Variants in PCDH15 observed in about 807,000 individuals in gnomAD.
The protein encoded by PCDH15 is protocadherin related 15, also known as protocadherin-15.
A neutral mutation model predicts 178.5 loss-of-function variants in PCDH15; 129 were observed. The observed-to-expected ratio is 0.72, with a 90% CI of 0.63 to 0.84. The LOEUF is 0.84. PCDH15 is among the 40% of genes least tolerant of loss of function. The probability of loss-of-function intolerance (pLI) is 0.00; values close to 1 mark genes in which losing one functional copy is unlikely to be tolerated. For missense variants in PCDH15, 2,230 were observed against 2,099.9 expected (o/e 1.06, Z -1.21); for synonymous variants, 800 against 732.0 (o/e 1.09, Z -1.50).
rs1290245009 is a variant in PCDH15, at chr10:54,899,249, T to A, written c.-79-1749A>T. On this transcript the variant is annotated intron_variant, in intron 2 of 5. Coordinates refer to the PCDH15 transcript ENST00000458638. ...GCAAATAACTGATGCTGAAATAGTT[T>A]ATCCTTAAGGTATTTTTTAGTTCTT... Among the ~76,000 whole-genome samples, 5 of 152,310 alleles carry A rather than the reference T, an allele frequency of 3.3e-5. No individual in the cohort carries two copies. The South Asian group carries it at 8.3e-4, about 25-fold the overall frequency.
At chr10:54,244,443 T>A (rs1449192251) in intron 8 of PCDH15, among the ~76,000 whole-genome samples, 2 of 152,148 alleles carry the variant, frequency 1.3e-5, no homozygotes, top group African/African-American at 2.4e-5. Context: ...TTATTTTCCA[T>A]GAATAAATAA....
Position 54,827,007 on chromosome 10 carries a change from C to A in PCDH15, c.-29+70443G>T, listed in dbSNP as rs566194813. On this transcript the variant is annotated intron_variant, in intron 3 of 5. Coordinates refer to the PCDH15 transcript ENST00000458638. ...ATATTTGTTTTTCCTACCAAAAACA[C>A]ACAAAAACATCCTGGTTGAACTTCT... Among the ~76,000 whole-genome samples, 8 of 152,080 alleles carry A rather than the reference C, an allele frequency of 5.3e-5. 1 individual carries two copies. In the South Asian group the frequency reaches 1.7e-3, roughly 31 times the overall value.
chr10:55,404,153 G>C (rs1234621221), intron 2 of PCDH15, among the ~76,000 whole-genome samples: 1 of 151,968 alleles, frequency 6.6e-6, no homozygotes, highest in Non-Finnish European at 1.5e-5. Flanking sequence ...TTGGGATATT[G>C]GAATATCTAG....
intron 26 of PCDH15, among the ~76,000 whole-genome samples, chr10:53,874,487 A>T (rs11003898): frequency 0.6 from 91,923 of 151,948 alleles, 29,363 homozygotes; most frequent in Middle Eastern, 0.78. Context: ...AAATCATAAT[A>T]TTCCATTGGT....
At chr10:54,574,160 T>G (rs4603209) in intron 2 of PCDH15, among the ~76,000 whole-genome samples, 2 of 148,958 alleles carry the variant, frequency 1.3e-5, no homozygotes, top group East Asian at 4.0e-4. Context: ...TGGTTTTAGG[T>G]CTAACGTTTA....
intron 10 of PCDH15, among the ~76,000 whole-genome samples, chr10:54,206,977 G>A (rs1333712181): frequency 6.6e-6 from 1 of 152,046 alleles, no homozygotes; most frequent in Non-Finnish European, 1.5e-5. Context: ...CTCTTACAAT[G>A]ACCTTTGCAG....
chr10:53,964,057 G>C (rs934302056), intron 21 of PCDH15, among the ~76,000 whole-genome samples: 1 of 151,950 alleles, frequency 6.6e-6, no homozygotes, highest in African/African-American at 2.4e-5. Context: ...CTGCCTCCTT[G>C]GCTTTGCCAA....
chr10:55,444,725 T>C (rs1839277081), intron 2 of PCDH15, among the ~76,000 whole-genome samples: 1 of 152,100 alleles, frequency 6.6e-6, no homozygotes, highest in African/African-American at 2.4e-5. Flanking sequence ...GTGAAAGTAT[T>C]GTCAAGTATT....
intron 28 of PCDH15, among the ~76,000 whole-genome samples, chr10:53,856,973 G>A (rs1162681331): frequency 6.6e-6 from 1 of 152,060 alleles, no homozygotes; most frequent in Non-Finnish European, 1.5e-5. Flanking sequence ...GGAGGGGCAT[G>A]AGGGCTGACA....
intron 1 of PCDH15, among the ~76,000 whole-genome samples, chr10:55,259,106 T>A (rs918983118): frequency 1.3e-5 from 2 of 152,164 alleles, no homozygotes; most frequent in Non-Finnish European, 2.9e-5. Context: ...TTGGCAAAAA[T>A]CATTGTCTCA....
intron 13 of PCDH15, among the ~76,000 whole-genome samples, chr10:54,174,018 G>A (rs2047169004): frequency 6.6e-6 from 1 of 152,184 alleles, no homozygotes; most frequent in Admixed American, 6.5e-5. Context: ...GCTAAGTGAA[G>A]AAATTGAACG....
At chr10:53,859,815 A>G (rs1370031114) in intron 27 of PCDH15, among the ~76,000 whole-genome samples, 1 of 152,138 alleles carries the variant, frequency 6.6e-6, no homozygotes, top group Middle Eastern at 3.2e-3. Context: ...GTGAACAAAA[A>G]CAAAAGTGGG....
chr10:55,395,537 A>G (rs1588984838), intron 2 of PCDH15, among the ~76,000 whole-genome samples: 1 of 152,074 alleles, frequency 6.6e-6, no homozygotes, highest in Non-Finnish European at 1.5e-5. Context: ...AACATTTTTT[A>G]TCTTAATTTT....
intron 1 of PCDH15, among the ~76,000 whole-genome samples, chr10:55,296,027 T>C (rs1843122946): frequency 1.3e-5 from 2 of 152,188 alleles, no homozygotes; most frequent in Non-Finnish European, 2.9e-5. Flanking sequence ...TTTGCTGTAA[T>C]GACTCACGAT....
intron 2 of PCDH15, among the ~76,000 whole-genome samples, chr10:55,091,259 A>G (rs1261831346): frequency 6.6e-6 from 1 of 151,986 alleles, no homozygotes; most frequent in Non-Finnish European, 1.5e-5. Context: ...ACTGTAATAT[A>G]TTTAATTGTA....
intron 1 of PCDH15, among the ~76,000 whole-genome samples, chr10:55,285,602 C>T (rs1258108707): frequency 1.3e-5 from 2 of 150,554 alleles, no homozygotes; most frequent in Non-Finnish European, 3.0e-5. Context: ...ATCTTTGTTT[C>T]TACTTAACAT....
At chr10:55,516,114 C>T (rs1383323519) in intron 2 of PCDH15, among the ~76,000 whole-genome samples, 1 of 152,034 alleles carries the variant, frequency 6.6e-6, no homozygotes, top group South Asian at 2.1e-4. Context: ...CCCCACCCAA[C>T]TCTCATCTTG....
chr10:55,583,584 C>G lies in PCDH15; in HGVS notation c.-156+44041G>C, dbSNP rs564407634. On this transcript the variant is annotated intron_variant, in intron 2 of 5. Coordinates refer to the PCDH15 transcript ENST00000613346. ...TAGTAGCTGGAATTACAGGCATGTACCACCATGCCCAGCTAATTTTTGTAT... is the reference window on the plus strand; with the variant it reads ...TAGTAGCTGGAATTACAGGCATGTAGCACCATGCCCAGCTAATTTTTGTAT... Among the ~76,000 whole-genome samples the G allele has an allele frequency of 5.3e-5, 8 of 152,178 alleles. No individual in the cohort carries two copies. In the South Asian group the frequency reaches 1.2e-3, roughly 24 times the overall value.
intron 2 of PCDH15, among the ~76,000 whole-genome samples, chr10:55,056,153 T>A (rs947688193): frequency 6.6e-6 from 1 of 152,194 alleles, no homozygotes; most frequent in African/African-American, 2.4e-5. Context: ...TCTCATGATG[T>A]GATTCCCCTG....
Sources: gnomAD v4.1 joint callset for allele counts (sites outside exome capture counted in the v4.1 genomes callset) on GRCh38, gnomAD v4.1.1 for gene constraint, MANE v1.5 for transcripts, NCBI Gene and HGNC (gene_info 2026-07-23, HGNC 2026-07-21) for gene names.